The following NXPH1 variants were observed in gnomAD, a reference collection of about 807,000 sequenced individuals.
The protein encoded by NXPH1 is neurexophilin 1.
In NXPH1, 5 loss-of-function variants were observed where a neutral mutation model predicts 23.7. That is an observed-to-expected ratio of 0.21 (90% CI 0.11 to 0.44). The LOEUF (loss-of-function observed/expected upper bound fraction) is 0.44. NXPH1 is among the 20% of genes least tolerant of loss of function. The pLI, the probability that NXPH1 is intolerant of heterozygous loss-of-function variation, is 0.99. For synonymous variants in NXPH1, 144 were observed against 122.2 expected (o/e 1.18, Z -1.18); for missense variants, 324 against 321.6 (o/e 1.01, Z -0.06).
At chr7:8,571,512 A>G (rs1160142683) in intron 2 of NXPH1, among the ~76,000 whole-genome samples, 1 of 151,814 alleles carries the variant, frequency 6.6e-6, no homozygotes, top group Non-Finnish European at 1.5e-5. Context: ...AAATGGATTG[A>G]GGAAAAAGGA....
intron 2 of NXPH1, among the ~76,000 whole-genome samples, chr7:8,606,405 A>T (rs186545457): frequency 2.0e-4 from 31 of 152,306 alleles, no homozygotes; most frequent in African/African-American, 6.7e-4. Flanking sequence ...GCCTGCTTCA[A>T]AGGTACTGTT....
rs190053419 is a variant in NXPH1, at chr7:8,444,814, C to A, written c.54+9047C>A. On this transcript the variant is annotated intron_variant, in intron 2 of 2. Coordinates refer to ENST00000405863, the MANE Select transcript of NXPH1 (RefSeq NM_152745.3). ...TCCTCCTTCATTGCAGTAAAATGAT[C>A]GCATTTATAATAACATTAATGAGAA... Among the ~76,000 whole-genome samples the A allele has an allele frequency of 3.1e-3, 478 of 152,292 alleles. 2 individuals carry two copies. The highest frequency in any genetic ancestry group is 4.3e-3 in the Non-Finnish European group (294 of 68,020).
intron 2 of NXPH1, among the ~76,000 whole-genome samples, chr7:8,716,149 T>G (rs1399796321): frequency 1.3e-5 from 2 of 152,162 alleles, no homozygotes; most frequent in African/African-American, 4.8e-5. Flanking sequence ...AAATTATCCT[T>G]AAAACTCCTT....
At chr7:8,462,342 C>T (rs953050489) in intron 2 of NXPH1, among the ~76,000 whole-genome samples, 3 of 152,230 alleles carry the variant, frequency 2.0e-5, no homozygotes, top group East Asian at 1.9e-4. Context: ...CCACTGCACC[C>T]GACCTTGTAT....
chr7:8,634,724 A>G (rs916635826), intron 2 of NXPH1, among the ~76,000 whole-genome samples: 1 of 111,198 alleles, frequency 9.0e-6, no homozygotes, highest in African/African-American at 3.4e-5. Flanking sequence ...TCACCATGTG[A>G]TTTGCTTTGA....
intron 2 of NXPH1, among the ~76,000 whole-genome samples, chr7:8,484,870 C>G (rs913122107): frequency 1.2e-4 from 19 of 152,150 alleles, no homozygotes; most frequent in African/African-American, 4.6e-4. Flanking sequence ...GATACAGAAG[C>G]CATCACTTAA....
Position 8,544,680 on chromosome 7 carries a change from T to C in NXPH1, c.54+108913T>C, listed in dbSNP as rs1401882558. ...GAATTTTTATTATGCTTCTTAAAAA[T>C]TTTACTTATCAGTTCTAAAGTGCCT... On this transcript the variant is annotated intron_variant, in intron 2 of 2. Transcript: ENST00000405863. Among the ~76,000 whole-genome samples, 4 of 151,580 alleles carry C rather than the reference T, an allele frequency of 2.6e-5. No individual in the cohort carries two copies. The East Asian group carries it at 7.8e-4, about 30-fold the overall frequency.
At chr7:8,684,972 A>G (rs1821122852) in intron 2 of NXPH1, among the ~76,000 whole-genome samples, 1 of 152,106 alleles carries the variant, frequency 6.6e-6, no homozygotes, top group Admixed American at 6.6e-5. Context: ...CTGTATAACT[A>G]CATTAGGTGT....
chr7:8,464,387 T>G (rs1415777154), intron 2 of NXPH1, among the ~76,000 whole-genome samples: 1 of 152,202 alleles, frequency 6.6e-6, no homozygotes, highest in East Asian at 1.9e-4. Flanking sequence ...AGCCATCTGC[T>G]GCTCATAGGT....
chr7:8,498,301 A>C (rs984923567), intron 2 of NXPH1, among the ~76,000 whole-genome samples: 4 of 152,104 alleles, frequency 2.6e-5, no homozygotes, highest in African/African-American at 9.6e-5. Flanking sequence ...GAAGAGCCAA[A>C]TCAGAGGGGA....
At chr7:8,454,683 C>T (rs530442435) in intron 2 of NXPH1, among the ~76,000 whole-genome samples, 7 of 152,212 alleles carry the variant, frequency 4.6e-5, no homozygotes, top group South Asian at 2.1e-4. Context: ...AAAAGAGAAA[C>T]GTGGCTCTAG....
intron 2 of NXPH1, among the ~76,000 whole-genome samples, chr7:8,659,378 G>T (rs1047275574): frequency 9.2e-5 from 14 of 152,116 alleles, no homozygotes; most frequent in African/African-American, 4.8e-5. Context: ...GCTTCTTTGC[G>T]ATGTGTTCAA....
chr7:8,555,818 T>TA, intron 2 of NXPH1, among the ~76,000 whole-genome samples: 1 of 151,754 alleles, frequency 6.6e-6, no homozygotes, highest in South Asian at 2.1e-4. Context: ...GTCTACTTTA[T>TA]ATTTTTTATC....
intron 2 of NXPH1, among the ~76,000 whole-genome samples, chr7:8,611,642 C>T (rs1819623807): frequency 6.6e-6 from 1 of 152,222 alleles, no homozygotes; most frequent in Non-Finnish European, 1.5e-5. Flanking sequence ...TTGCTCTGTA[C>T]AGTTAAACCT....
intron 2 of NXPH1, among the ~76,000 whole-genome samples, chr7:8,574,786 T>G (rs1199749952): frequency 6.6e-6 from 1 of 152,174 alleles, no homozygotes; most frequent in African/African-American, 2.4e-5. Context: ...GAAAAGAGAT[T>G]CATAGGACCT....
intron 2 of NXPH1, among the ~76,000 whole-genome samples, chr7:8,496,616 G>C (rs1281311362): frequency 2.0e-5 from 3 of 152,000 alleles, no homozygotes; most frequent in African/African-American, 7.2e-5. Context: ...GGCTACAGTA[G>C]CATCGCCTGG....
At chr7:8,481,761 T>C (rs1280556670) in intron 2 of NXPH1, among the ~76,000 whole-genome samples, 1 of 152,200 alleles carries the variant, frequency 6.6e-6, no homozygotes, top group African/African-American at 2.4e-5. Context: ...GTTTGGGGTA[T>C]GAATGATCCC....
intron 2 of NXPH1, among the ~76,000 whole-genome samples, chr7:8,460,771 G>C (rs1379078757): frequency 6.6e-6 from 1 of 152,186 alleles, no homozygotes; most frequent in Non-Finnish European, 1.5e-5. Context: ...GTGAATCTCA[G>C]CACTCCCAAT....
chr7:8,751,622 C>A lies in NXPH1; in HGVS notation c.669C>A (p.Thr223=), dbSNP rs1184529977. 1 of 1,613,534 alleles carries A rather than the reference C, an allele frequency of 6.2e-7. No homozygotes were observed. The highest frequency in any genetic ancestry group is 1.7e-5 in the Admixed American group (1 of 59,866). The change falls in exon 3 of 3, where the codon ACC becomes ACA. Residue 223 remains threonine, a synonymous_variant. Transcript: ENST00000405863. The surrounding 1 kb of genome is among the most constrained non-coding windows in gnomAD (Gnocchi z 4.5). The part of the protein sequence containing the change: ...DPSKTCYQEQ[T]QSHVSWLCSK... Reference sequence around the variant, plus strand: ...CAAAAACCTGTTACCAGGAGCAAACCCAAAGTCATGTATCCTGGCTCTGCT... The same window carrying A: ...CAAAAACCTGTTACCAGGAGCAAACACAAAGTCATGTATCCTGGCTCTGCT...
Sources: gnomAD v4.1 joint callset for allele counts (sites outside exome capture counted in the v4.1 genomes callset) on GRCh38, gnomAD v4.1.1 for gene constraint, Gnocchi (gnomAD v3.1) non-coding constraint, MANE v1.5 for transcripts, NCBI Gene and HGNC (gene_info 2026-07-23, HGNC 2026-07-21) for gene names.